The following NEBL variants were observed in gnomAD, a reference collection of about 807,000 sequenced individuals.
NEBL encodes the protein nebulette, also known as LIM and SH3 protein 2.
Under a neutral mutation model 140.2 loss-of-function variants are expected in NEBL, and 122 were observed. The ratio of observed to expected loss-of-function variants is 0.87; its 90% confidence interval spans 0.75 to 1.01. The LOEUF is 1.01. Among genes scored for constraint, NEBL ranks in the 50% least tolerant of loss-of-function variants. NEBL has a pLI of 0.00. For synonymous variants in NEBL, 436 were observed against 398.9 expected (o/e 1.09, Z -1.11); for missense variants, 1,365 against 1,231.3 (o/e 1.11, Z -1.62).
chr10:20,946,900 C>G (rs898267389), intron 4 of NEBL, among the ~76,000 whole-genome samples: 1 of 151,966 alleles, frequency 6.6e-6, no homozygotes, highest in Non-Finnish European at 1.5e-5. Context: ...TTTTTTGAAT[C>G]GTTAATAGCT....
intron 3 of NEBL, among the ~76,000 whole-genome samples, chr10:20,990,664 G>A (rs552934844): frequency 6.6e-5 from 10 of 152,288 alleles, no homozygotes; most frequent in Non-Finnish European, 1.5e-4. Context: ...AGATATCTCA[G>A]AGAACCAACA....
intron 2 of NEBL, among the ~76,000 whole-genome samples, chr10:21,035,971 T>C (rs1431392513): frequency 6.6e-6 from 1 of 152,034 alleles, no homozygotes; most frequent in Non-Finnish European, 1.5e-5. Flanking sequence ...GAGACAAGCC[T>C]GGCCAACATG....
At chr10:21,005,316 A>G (rs1398557074) in intron 3 of NEBL, among the ~76,000 whole-genome samples, 1 of 152,236 alleles carries the variant, frequency 6.6e-6, no homozygotes, top group African/African-American at 2.4e-5. Flanking sequence ...ATCAGCAGGG[A>G]GACCCCCAGC....
At chr10:21,036,585 G>T (rs962476712) in intron 2 of NEBL, among the ~76,000 whole-genome samples, 31 of 152,160 alleles carry the variant, frequency 2.0e-4, no homozygotes, top group African/African-American at 7.2e-4. Flanking sequence ...ATATCAGACA[G>T]ATAGGGGCTC....
chr10:21,204,055 C>T (rs183815143), intron 3 of NEBL, among the ~76,000 whole-genome samples: 169 of 152,242 alleles, frequency 1.1e-3, no homozygotes, highest in African/African-American at 3.9e-3. Context: ...AGCTGTTTAT[C>T]GGAGATGTGA....
chr10:21,204,263 A>C (rs1841790031), intron 3 of NEBL, among the ~76,000 whole-genome samples: 1 of 152,128 alleles, frequency 6.6e-6, no homozygotes, highest in Admixed American at 6.5e-5. Context: ...TTATGGACTG[A>C]ACATATTTGT....
At chr10:20,924,441 C>T (rs1347530792) in intron 4 of NEBL, among the ~76,000 whole-genome samples, 1 of 111,434 alleles carries the variant, frequency 9.0e-6, no homozygotes, top group Non-Finnish European at 1.9e-5. Context: ...AAAAAAAAGG[C>T]TACACCTTTC....
chr10:20,936,672 C>T (rs1053706146), intron 4 of NEBL, among the ~76,000 whole-genome samples: 3 of 152,214 alleles, frequency 2.0e-5, no homozygotes, highest in Non-Finnish European at 4.4e-5. Context: ...CAACTTCTCA[C>T]TGAATCTAAA....
intron 3 of NEBL, among the ~76,000 whole-genome samples, chr10:21,222,375 G>A (rs750962555): frequency 4.6e-5 from 7 of 151,294 alleles, no homozygotes; most frequent in African/African-American, 7.3e-5. Context: ...TTTAAATTAC[G>A]TATTTTGCTT....
At chr10:21,031,186 G>T (rs1833765628) in intron 2 of NEBL, among the ~76,000 whole-genome samples, 1 of 152,212 alleles carries the variant, frequency 6.6e-6, no homozygotes, top group South Asian at 2.1e-4. Context: ...TGTCACTAGG[G>T]TGGAGGCAGA....
At chr10:20,835,772 A>G in intron 13 of NEBL, 149 bp from the exon 14 acceptor site, 1 of 691,226 alleles carries the variant, frequency 1.4e-6, no homozygotes, top group Admixed American at 2.1e-5. Flanking sequence ...CTCACAACTA[A>G]CTTCTGAACT....
intron 26 of NEBL, among the ~76,000 whole-genome samples, chr10:20,791,540 C>G (rs1299991300): frequency 6.6e-6 from 1 of 151,884 alleles, no homozygotes; most frequent in East Asian, 1.9e-4. Flanking sequence ...AGTAGCTGGA[C>G]ATACGCCACC....
At chr10:21,138,576 G>A (rs993902839) in intron 2 of NEBL, among the ~76,000 whole-genome samples, 2 of 152,006 alleles carry the variant, frequency 1.3e-5, no homozygotes, top group East Asian at 1.9e-4. Flanking sequence ...ACAGAAACAC[G>A]ACAAAAATGG....
At chr10:21,144,125 AAGGTG>A (rs1373036865) in intron 2 of NEBL, among the ~76,000 whole-genome samples, 1 of 152,222 alleles carries the variant, frequency 6.6e-6, no homozygotes, top group Non-Finnish European at 1.5e-5. Context: ...GGAGGGCAGA[AAGGTG>A]GCACTGCCAA....
At position 21,209,160 on chromosome 10, in the gene NEBL, C is replaced by T. The variant is rs183764549; in HGVS notation, n.349-36683G>A. 2.8e-3 allele frequency among the ~76,000 whole-genome samples: 419 copies of T among 152,252 alleles called. 6 individuals carry two copies. Among genetic ancestry groups the T allele is most frequent in the Non-Finnish European group, 4.7e-4 (32 of 68,024 alleles). ...TCCAGGCAGGGGAAAGGTGAAAGGG[C>T]AAAGTGCAAATGACAAAAGGAATGT... On this transcript the variant is annotated intron_variant and non_coding_transcript_variant, in intron 3 of 8. Coordinates refer to the NEBL transcript ENST00000675702.
intron 26 of NEBL, among the ~76,000 whole-genome samples, chr10:20,803,329 C>T (rs1377090124): frequency 6.6e-6 from 1 of 152,082 alleles, no homozygotes; most frequent in Non-Finnish European, 1.5e-5. Context: ...GTTCTGATCA[C>T]TATATGGTGT....
At chr10:20,826,010 C>T (rs1187411470) in intron 18 of NEBL, among the ~76,000 whole-genome samples, 2 of 152,198 alleles carry the variant, frequency 1.3e-5, no homozygotes, top group African/African-American at 4.8e-5. Flanking sequence ...TAAAAATGAA[C>T]TGGTACTATT....
At chr10:20,946,172 TGA>T (rs1296669268) in intron 4 of NEBL, among the ~76,000 whole-genome samples, 1 of 152,118 alleles carries the variant, frequency 6.6e-6, no homozygotes, top group Admixed American at 6.5e-5. Context: ...ACAACGAAGG[TGA>T]GAGGCAGCCC....
At chr10:20,906,534 T>C (rs1247516150) in intron 4 of NEBL, among the ~76,000 whole-genome samples, 1 of 152,164 alleles carries the variant, frequency 6.6e-6, no homozygotes, top group Non-Finnish European at 1.5e-5. Flanking sequence ...ATGAAGTTAA[T>C]GATGCTTTAA....
Sources: gnomAD v4.1 joint callset for allele counts (sites outside exome capture counted in the v4.1 genomes callset) on GRCh38, gnomAD v4.1.1 for gene constraint, MANE v1.5 for transcripts, NCBI Gene and HGNC (gene_info 2026-07-23, HGNC 2026-07-21) for gene names.